The following ZFP36L2 variants were observed in gnomAD, a reference collection of about 807,000 sequenced individuals.
ZFP36L2 encodes the protein ZFP36 like 2 zinc finger CCCH-type, also known as mRNA decay activator protein ZFP36L2.
A neutral mutation model predicts 27.9 loss-of-function variants in ZFP36L2; 16 were observed. The observed-to-expected ratio is 0.57, with a 90% confidence interval of 0.39 to 0.87. The LOEUF is 0.87. Among genes scored for constraint, ZFP36L2 ranks in the 40% least tolerant of loss-of-function variants. The pLI, the probability that ZFP36L2 is intolerant of heterozygous loss-of-function variation, is 0.00. For synonymous variants in ZFP36L2, 600 were observed against 363.8 expected, an observed-to-expected ratio of 1.65 and a Z score of -7.39; for missense variants, 989 against 726.9, an observed-to-expected ratio of 1.36 and a Z score of -4.15.
chr2:43,226,590 G>A lies in ZFP36L2; in HGVS notation c.-275C>T, dbSNP rs1667113855. ...CCCCCCGCGGAGCCGACGGCAGCTC[G>A]CGGACTGCTGGAACTCGGCGGCCTC... On this transcript the variant is annotated 5_prime_UTR_variant, in exon 1 of 2. Transcript: ENST00000282388. 6.3e-6 allele frequency: 3 copies of A among 478,136 alleles called. No homozygotes were observed. The highest frequency in any genetic ancestry group is 4.5e-5 in the Admixed American group (1 of 21,984). 29.6% of individuals were successfully genotyped at this position (478,136 alleles called of 1,614,324 possible).
In ZFP36L2 at chr2:43,223,746, G is replaced by T. The variant is rs1667018713; in HGVS notation, c.*573C>A. ...CTATGGGCTGAGGGCTAACTATCAA[G>T]GCATATTCTTGGCAGAATATATTGG... On this transcript the variant is annotated 3_prime_UTR_variant, in exon 2 of 2. Transcript: ENST00000282388. 6.9e-6 allele frequency: 1 copy of T among 144,658 alleles called. No individual in the cohort carries two copies. Among genetic ancestry groups the T allele is most frequent in the Non-Finnish European group, 1.5e-5 (1 of 67,066 alleles). 9.0% of individuals were successfully genotyped at this position (144,658 alleles called of 1,614,324 possible).
Position 43,224,514 on chromosome 2 carries a change from G to A in ZFP36L2, c.1290C>T (p.Ser430=), listed in dbSNP as rs1054059394. ...GAAAPPSPPF[S]FQLPRRLSDS... ...CGGACAGGCGGCGCGGCAGCTGGAA[G>A]CTGAAGGGCGGCGAGGGAGGTGCGG... The change falls in exon 2 of 2, where the codon AGC becomes AGT. Residue 430 remains serine (S), a synonymous_variant. Coordinates refer to ENST00000282388, the MANE Select transcript of ZFP36L2 (RefSeq NM_006887.5). 7.4e-6 allele frequency: 11 copies of A among 1,485,100 alleles called. No individual in the cohort carries two copies. Among genetic ancestry groups the A allele is most frequent in the South Asian group, 1.3e-5 (1 of 79,676 alleles). 92.0% of individuals were successfully genotyped at this position (1,485,100 alleles called of 1,614,324 possible). A position where few individuals can be genotyped will look rare whatever the true frequency, so the allele number is the denominator to read the frequency against.
At position 43,224,816 on chromosome 2, in the gene ZFP36L2, C is replaced by A; in HGVS notation, c.988G>T (p.Ala330Ser). The A allele has an allele frequency of 7.0e-7, 1 of 1,420,828 alleles. No homozygotes were observed. The highest frequency in any genetic ancestry group is 9.1e-7 in the Non-Finnish European group (1 of 1,100,928). 88.0% of individuals were successfully genotyped at this position (1,420,828 alleles called of 1,614,324 possible). A position where few individuals can be genotyped will look rare whatever the true frequency, so the allele number is the denominator to read the frequency against. ...TCCASAAAAA[A>S]AALLYGTGGA... The stretch of plus-strand genomic sequence containing the variant: ...CCGGTGCCGTACAGCAGAGCGGCCG[C>A]AGCCGCGGCCGCCGCGGAGGCGCAG... The change falls in exon 2 of 2, where the codon GCG (alanine) becomes TCG (serine). Residue 330 changes from alanine to serine, a missense_variant. Transcript: ENST00000282388.
In ZFP36L2 at chr2:43,226,289, G is replaced by A. The variant is rs1210750980; in HGVS notation, c.27C>T (p.Phe9=). Residue 9 remains phenylalanine (F), a synonymous_variant, in exon 1 of 2, where the codon TTC becomes TTT. Coordinates refer to ENST00000282388, the MANE Select transcript of ZFP36L2 (RefSeq NM_006887.5). MSTTLLSA[F]YDVDFLCKTE... ...CCTTGCACAAGAAGTCGACATCGTA[G>A]AAGGCGGACAGAAGTGTGGTCGACA... The A allele has an allele frequency of 1.3e-6, 2 of 1,589,402 alleles. No homozygotes were observed. The highest frequency in any genetic ancestry group is 1.1e-5 in the South Asian group (1 of 87,878).
In ZFP36L2 at chr2:43,224,554, A is replaced by G. The variant is rs987176799; in HGVS notation, c.1250T>C (p.Leu417Pro). 3 of 1,390,658 alleles carry G rather than the reference A, an allele frequency of 2.2e-6. No homozygotes were observed. Among genetic ancestry groups the G allele is most frequent in the Non-Finnish European group, 2.8e-6 (3 of 1,078,670 alleles). The allele number at this position is 1,390,658 out of a possible 1,614,324, so 86.1% of individuals were successfully genotyped here. Reference sequence around the variant, plus strand: ...GGGAGGTGCGGCGGCCCCGGCGGGGAGGGTCGCGCTGGGCGGCGCCGGCGG... The same window carrying G: ...GGGAGGTGCGGCGGCCCCGGCGGGGGGGGTCGCGCTGGGCGGCGCCGGCGG... ...AQPPAPPSATLPAGAAAPPSP... is the reference protein window; with the variant it reads ...AQPPAPPSATPPAGAAAPPSP... The change falls in exon 2 of 2, where the codon CTC (leucine) becomes CCC (proline). Residue 417 changes from leucine to proline, a missense_variant. Transcript: ENST00000282388.
chr2:43,225,881 C>T lies in ZFP36L2; in HGVS notation c.52-129G>A, dbSNP rs541167030. 1.4e-5 allele frequency: 14 copies of T among 995,736 alleles called. No homozygotes were observed. In the South Asian group the frequency reaches 2.2e-4, roughly 15 times the overall value. 61.7% of individuals were successfully genotyped at this position (995,736 alleles called of 1,614,324 possible). A position where few individuals can be genotyped will look rare whatever the true frequency, so the allele number is the denominator to read the frequency against. ...CCCCCACTCTTGGCGGATCCCGACT[C>T]GGCCTCCACCCTCCACCTATACACG... On this transcript the variant is annotated intron_variant, in intron 1 of 1. Transcript: ENST00000282388.
In ZFP36L2 at chr2:43,226,593, G is replaced by A; in HGVS notation, c.-278C>T. 2 of 477,300 alleles carry A rather than the reference G, an allele frequency of 4.2e-6. No homozygotes were observed. The highest frequency in any genetic ancestry group is 4.0e-5 in the East Asian group (1 of 24,916). 29.6% of individuals were successfully genotyped at this position (477,300 alleles called of 1,614,324 possible). A position where few individuals can be genotyped will look rare whatever the true frequency, so the allele number is the denominator to read the frequency against. ...CCCGCGGAGCCGACGGCAGCTCGCG[G>A]ACTGCTGGAACTCGGCGGCCTCCGA... On this transcript the variant is annotated 5_prime_UTR_variant, in exon 1 of 2. Transcript: ENST00000282388.
In ZFP36L2 at chr2:43,224,651, C is replaced by A. The variant is rs768200034; in HGVS notation, c.1153G>T (p.Ala385Ser). ...PLAIQTHNFA[A>S]VAAAAYYRSQ... is the part of the protein sequence containing the mutation. ...CGGTAGTAGGCGGCGGCGGCCACGG[C>A]GGCAAAGTTGTGGGTCTGGATGGCG... The change falls in exon 2 of 2, where the codon GCC becomes TCC. Residue 385 changes from alanine (A) to serine (S), a missense_variant. Coordinates refer to ENST00000282388, the MANE Select transcript of ZFP36L2 (RefSeq NM_006887.5). 6.6e-7 allele frequency: 1 copy of A among 1,512,820 alleles called. No individual in the cohort carries two copies. Among genetic ancestry groups the A allele is most frequent in the Non-Finnish European group, 8.8e-7 (1 of 1,134,556 alleles). 93.7% of individuals were successfully genotyped at this position (1,512,820 alleles called of 1,614,324 possible).
chr2:43,226,224 C>T, intron 1 of ZFP36L2, 41 bp downstream of exon 1: 1 of 1,557,184 alleles, frequency 6.4e-7, no homozygotes, highest in East Asian at 2.4e-5. Context: ...AGTCCAAGAA[C>T]TACAACGGCT....
chr2:43,225,231 C>G lies in ZFP36L2; in HGVS notation c.573G>C (p.Lys191Asn). ...HELRSLTRHP[K>N]YKTELCRTFH... ...AGGTGCGGCACAGCTCGGTCTTGTA[C>G]TTCGGATGGCGAGTCAGGCTGCGCA... Residue 191 changes from lysine (K) to asparagine (N), a missense_variant, in exon 2 of 2, where the codon AAG (lysine) becomes AAC (asparagine). Physicochemically the swap from Lys to Asn is moderately conservative, Grantham distance 94. Coordinates refer to ENST00000282388, the MANE Select transcript of ZFP36L2 (RefSeq NM_006887.5). 6.2e-7 allele frequency: 1 copy of G among 1,607,780 alleles called. No individual in the cohort carries two copies. Among genetic ancestry groups the G allele is most frequent in the South Asian group, 1.1e-5 (1 of 91,078 alleles).
At position 43,224,881 on chromosome 2, in the gene ZFP36L2, G is replaced by A; in HGVS notation, c.923C>T (p.Ser308Leu). 2.0e-6 allele frequency: 3 copies of A among 1,515,504 alleles called. No individual in the cohort carries two copies. Among genetic ancestry groups the A allele is most frequent in the Non-Finnish European group, 2.6e-6 (3 of 1,147,834 alleles). 93.9% of individuals were successfully genotyped at this position (1,515,504 alleles called of 1,614,324 possible). Residue 308 changes from serine (S) to leucine (L), a missense_variant, in exon 2 of 2, where the codon TCG becomes TTG. By Grantham distance (145) the Ser-to-Leu change is moderately radical (BLOSUM62 -2). Transcript: ENST00000282388. ...SCSSSASSCSSASAASTPSGA... is the reference protein window; with the variant it reads ...SCSSSASSCSLASAASTPSGA... ...CGAGGGCGTGGAGGCCGCGGAGGCC[G>A]AGGAACAGGAGGAGGCGGAGGAGGA...
Position 43,224,276 on chromosome 2 carries a change from C to A in ZFP36L2, c.*43G>T. The A allele has an allele frequency of 6.7e-7, 1 of 1,494,606 alleles. No individual in the cohort carries two copies. Among genetic ancestry groups the A allele is most frequent in the Non-Finnish European group, 8.9e-7 (1 of 1,125,820 alleles). The allele number at this position is 1,494,606 out of a possible 1,614,324, so 92.6% of individuals were successfully genotyped here. On this transcript the variant is annotated 3_prime_UTR_variant, in exon 2 of 2. Transcript: ENST00000282388. The stretch of plus-strand genomic sequence containing the variant: ...GATGGCGAGGGGTGTCCTCCAACAT[C>A]TCTGAACCGCCTTCCCTTCCTCCTC...
At position 43,226,418 on chromosome 2, in the gene ZFP36L2, G is replaced by A; in HGVS notation, c.-103C>T. ...AGCCACGACGAATAACGGGCGAGGG[G>A]CGGGGAGGGGCCGAAAGTTTGCCGG... is the stretch of plus-strand genomic sequence containing the variant. On this transcript the variant is annotated 5_prime_UTR_variant, in exon 1 of 2. Coordinates refer to ENST00000282388, the MANE Select transcript of ZFP36L2 (RefSeq NM_006887.5). 6.9e-7 allele frequency: 1 copy of A among 1,451,728 alleles called. No individual in the cohort carries two copies. Among genetic ancestry groups the A allele is most frequent in the Non-Finnish European group, 9.4e-7 (1 of 1,061,226 alleles). 89.9% of individuals were successfully genotyped at this position (1,451,728 alleles called of 1,614,324 possible). A position where few individuals can be genotyped will look rare whatever the true frequency, so the allele number is the denominator to read the frequency against.
rs1436399161 is a variant in ZFP36L2 at position 43,225,231 on chromosome 2, C to T, written c.573G>A (p.Lys191=). The change falls in exon 2 of 2, where the codon AAG becomes AAA. Residue 191 remains lysine (K), a synonymous_variant. Coordinates refer to ENST00000282388, the MANE Select transcript of ZFP36L2 (RefSeq NM_006887.5). ...AGGTGCGGCACAGCTCGGTCTTGTA[C>T]TTCGGATGGCGAGTCAGGCTGCGCA... The part of the protein sequence containing the change: ...HELRSLTRHP[K]YKTELCRTFH... 3.1e-6 allele frequency: 5 copies of T among 1,607,660 alleles called. No homozygotes were observed. The highest frequency in any genetic ancestry group is 1.3e-5 in the African/African-American group (1 of 74,844).
At position 43,224,884 on chromosome 2, in the gene ZFP36L2, G is replaced by C; in HGVS notation, c.920C>G (p.Ser307Cys). The part of the protein sequence containing the change: ...SSCSSSASSC[S>C]SASAASTPSG... ...GGGCGTGGAGGCCGCGGAGGCCGAGGAACAGGAGGAGGCGGAGGAGGAGCA... is the reference window on the plus strand; with the variant it reads ...GGGCGTGGAGGCCGCGGAGGCCGAGCAACAGGAGGAGGCGGAGGAGGAGCA... Residue 307 changes from serine to cysteine, a missense_variant, in exon 2 of 2, where the codon TCC becomes TGC. Transcript: ENST00000282388. 6.6e-7 allele frequency: 1 copy of C among 1,524,926 alleles called. No individual in the cohort carries two copies. The highest frequency in any genetic ancestry group is 8.7e-7 in the Non-Finnish European group (1 of 1,151,914). The allele number at this position is 1,524,926 out of a possible 1,614,324, so 94.5% of individuals were successfully genotyped here.
rs1178582599 is a variant in ZFP36L2 at position 43,225,103 on chromosome 2, C to G, written c.701G>C (p.Arg234Pro). 1.3e-6 allele frequency: 2 copies of G among 1,592,708 alleles called. No individual in the cohort carries two copies. The highest frequency in any genetic ancestry group is 2.2e-5 in the South Asian group (2 of 90,654). ...CAACGCATCGCGCGTGCCAAAGGCA[C>G]GCAGGTCCCCGGAGGCGCCCCCCGA... ...APSGGASGDLRAFGTRDALHL... is the reference protein window; with the variant it reads ...APSGGASGDLPAFGTRDALHL... Residue 234 changes from arginine to proline, a missense_variant, in exon 2 of 2, where the codon CGT becomes CCT. Physicochemically the swap from Arg to Pro is moderately radical, Grantham distance 103. Coordinates refer to ENST00000282388, the MANE Select transcript of ZFP36L2 (RefSeq NM_006887.5).
rs1433882937 is a variant in ZFP36L2, at chr2:43,224,709, GA to G, written c.1094del (p.Phe365SerfsTer96). ...SASCANNAFA[F>X]GPELSSLITP... ...TGATGAGGCTGCTGAGCTCCGGACC[GA>G]AGGCGAAGGCGTTGTTGGCGCACGA... On this transcript the variant is annotated frameshift_variant, in exon 2 of 2. Coordinates refer to ENST00000282388, the MANE Select transcript of ZFP36L2 (RefSeq NM_006887.5). LOFTEE classifies it high-confidence loss of function. 2 of 1,533,392 alleles carry G rather than the reference GA, an allele frequency of 1.3e-6. No homozygotes were observed. Among genetic ancestry groups the G allele is most frequent in the East Asian group, 2.7e-5 (1 of 36,816 alleles). The allele number at this position is 1,533,392 out of a possible 1,614,324, so 95.0% of individuals were successfully genotyped here.
Position 43,226,121 on chromosome 2 carries a change from G to A in ZFP36L2, c.51+144C>T, listed in dbSNP as rs541503053. 1.6e-5 allele frequency: 19 copies of A among 1,193,792 alleles called. 1 individual carries two copies. In the South Asian group the frequency reaches 2.5e-4, roughly 16 times the overall value. The allele number at this position is 1,193,792 out of a possible 1,614,324, so 73.9% of individuals were successfully genotyped here. A position where few individuals can be genotyped will look rare whatever the true frequency, so the allele number is the denominator to read the frequency against. ...TCCTTGCCGCCCTCCCCGCCTCCAG[G>A]GCGCTCGGACACTCTTTTGCAAACC... is the stretch of plus-strand genomic sequence containing the variant. On this transcript the variant is annotated intron_variant, in intron 1 of 1. Transcript: ENST00000282388.
intron 1 of ZFP36L2, 103 bp from the exon 2 acceptor site, chr2:43,225,855 T>G: frequency 1.6e-6 from 2 of 1,265,404 alleles, no homozygotes; most frequent in Non-Finnish European, 2.1e-6. Flanking sequence ...TTCCTTTTTT[T>G]CCCCCACTCT....
Sources: gnomAD v4.1 joint callset for allele counts on GRCh38, gnomAD v4.1.1 for gene constraint, MANE v1.5 for transcripts, NCBI Gene and HGNC (gene_info 2026-07-23, HGNC 2026-07-21) for gene names.